Variants in C5 observed in about 807,000 individuals in gnomAD.
The protein encoded by C5 is C3 and PZP-like alpha-2-macroglobulin domain-containing protein 4.
In C5, 140 loss-of-function variants were observed where a neutral mutation model predicts 218.8. That is an observed-to-expected ratio of 0.64 (90% confidence interval 0.56 to 0.74). The LOEUF (loss-of-function observed/expected upper bound fraction) is 0.74. C5 is among the 30% of genes least tolerant of loss of function. The probability of loss-of-function intolerance (pLI) is 0.00; values close to 1 mark genes in which losing one functional copy is unlikely to be tolerated. For missense variants in C5, 1,700 were observed against 1,969.6 expected, an observed-to-expected ratio of 0.86 and a Z score of 2.59; for synonymous variants, 614 against 682.3, an observed-to-expected ratio of 0.90 and a Z score of 1.56.
intron 33 of C5, 129 bp from the exon 34 acceptor site, chr9:120,963,867 T>A: frequency 1.5e-6 from 1 of 683,468 alleles, no homozygotes; most frequent in East Asian, 2.8e-5. Flanking sequence ...CTACAATGTA[T>A]GGGTTAAAAT....
chr9:121,037,671 C>T (rs2047539668), intron 4 of C5, among the ~76,000 whole-genome samples: 1 of 152,102 alleles, frequency 6.6e-6, no homozygotes, highest in Non-Finnish European at 1.5e-5. Flanking sequence ...AGCTCAAAAT[C>T]CTTCAAGTTA....
intron 36 of C5, among the ~76,000 whole-genome samples, chr9:120,962,386 A>G (rs1024565673): frequency 6.6e-6 from 1 of 152,220 alleles, no homozygotes; most frequent in African/African-American, 2.4e-5. Context: ...AACACCATAG[A>G]TAAACCTGAG....
Position 121,020,131 on chromosome 9 carries a change from C to T in C5, c.1351G>A (p.Gly451Ser). 2 of 1,614,022 alleles carry T rather than the reference C, an allele frequency of 1.2e-6. No homozygotes were observed. The highest frequency in any genetic ancestry group is 1.3e-5 in the African/African-American group (1 of 75,034). The change falls in exon 12 of 41, where the codon GGT becomes AGT. Residue 451 changes from glycine to serine, a missense_variant. Physicochemically the swap from Gly to Ser is moderately conservative, Grantham distance 56. Coordinates refer to ENST00000223642, the MANE Select transcript of C5 (RefSeq NM_001735.3). The part of the protein sequence containing the change: ...DLPEENQARE[G>S]YRAIAYSSLS... ...GATGAGTATGCTATTGCTCGGTAAC[C>T]TTCCCTGGCCTGATTTTCTTCTGGA...
At chr9:120,970,953 C>T (rs1260589045) in intron 31 of C5, among the ~76,000 whole-genome samples, 1 of 152,140 alleles carries the variant, frequency 6.6e-6, no homozygotes, top group Admixed American at 6.5e-5. Flanking sequence ...GGACGGATCA[C>T]TTGAGGTCAG....
intron 20 of C5, among the ~76,000 whole-genome samples, chr9:121,004,202 A>G (rs1489722117): frequency 6.6e-6 from 1 of 152,082 alleles, no homozygotes; most frequent in African/African-American, 2.4e-5. Flanking sequence ...TTTTATTTCT[A>G]TATTTAATAA....
chr9:121,003,208 T>C (rs903961269), intron 20 of C5, among the ~76,000 whole-genome samples: 1 of 152,010 alleles, frequency 6.6e-6, no homozygotes, highest in Non-Finnish European at 1.5e-5. Context: ...GGAGAATCAC[T>C]TGAACTTGGG....
At chr9:120,982,022 G>C in intron 26 of C5, 83 bp from the exon 27 acceptor site, 1 of 946,676 alleles carries the variant, frequency 1.1e-6, no homozygotes, top group South Asian at 1.3e-5. Context: ...TTTTTTGTTT[G>C]TTTGTTTGAG....
the C5 span, among the ~76,000 whole-genome samples, chr9:121,071,946 A>AT: frequency 6.6e-6 from 1 of 152,338 alleles, no homozygotes; most frequent in Admixed American, 6.5e-5. Context: ...ATTCTTCATA[A>AT]TATCAGATAA....
upstream of C5, among the ~76,000 whole-genome samples, chr9:121,054,899 G>A (rs777495379): frequency 4.6e-5 from 7 of 151,736 alleles, no homozygotes; most frequent in Non-Finnish European, 8.8e-5. Context: ...AGAGACAGAC[G>A]TTTGCCATTG....
the C5 span, among the ~76,000 whole-genome samples, chr9:121,073,072 C>T: frequency 1.3e-5 from 2 of 152,070 alleles, no homozygotes; most frequent in Non-Finnish European, 2.9e-5. Context: ...GTTGGACGTC[C>T]CCTGAATTTC....
Position 120,953,856 on chromosome 9 carries a change from G to C in C5, c.4775C>G (p.Ala1592Gly), listed in dbSNP as rs2046765601. ...LDIYKTGEAV[A>G]EKDSEITFIK... ...GAAGGTAATCTCAGAGTCTTTCTCA[G>C]CAACAGCTTCCCCTGAGAGACATGC... The change falls in exon 40 of 41, where the codon GCT (alanine) becomes GGT (glycine). Residue 1592 changes from alanine to glycine, a missense_variant. Physicochemically the swap from Ala to Gly is moderately conservative, Grantham distance 60 (BLOSUM62 0). Coordinates refer to ENST00000223642, the MANE Select transcript of C5 (RefSeq NM_001735.3). 1 of 1,613,922 alleles carries C rather than the reference G, an allele frequency of 6.2e-7. No homozygotes were observed. Among genetic ancestry groups the C allele is most frequent in the Non-Finnish European group, 8.5e-7 (1 of 1,179,912 alleles).
At chr9:121,052,898 G>A (rs1404586479), upstream of C5, among the ~76,000 whole-genome samples, 1 of 152,072 alleles carries the variant, frequency 6.6e-6, no homozygotes, top group African/African-American at 2.4e-5. Flanking sequence ...TCTTTTTTAT[G>A]TATAATAAAA....
chr9:121,046,107 G>A (rs1041780879), intron 2 of C5, 84 bp downstream of exon 2: 17 of 672,094 alleles, frequency 2.5e-5, no homozygotes, highest in Non-Finnish European at 3.7e-5. Flanking sequence ...AAATCTATAT[G>A]TTATCAATAT....
Position 120,961,498 on chromosome 9 carries a change from C to T in C5, c.4572G>A (p.Ala1524=), listed in dbSNP as rs1027829831. The T allele has an allele frequency of 5.4e-5, 87 of 1,610,586 alleles. No individual in the cohort carries two copies. The highest frequency in any genetic ancestry group is 7.0e-5 in the Non-Finnish European group (82 of 1,176,914). Residue 1524 remains alanine (A), a synonymous_variant, in exon 37 of 41, where the codon GCG becomes GCA. Coordinates refer to ENST00000223642, the MANE Select transcript of C5 (RefSeq NM_001735.3). The part of the protein sequence containing the change: ...IKIQKVCEGA[A]CKCVEADCGQ... ...AAAGTTTACCTTCTACACACTTGCA[C>T]GCGGCTCCTTCACAGACTTTCTGAA...
At position 121,013,868 on chromosome 9, in the gene C5, C is replaced by T; in HGVS notation, c.2257+5G>A. 1 of 1,612,890 alleles carries T rather than the reference C, an allele frequency of 6.2e-7. No individual in the cohort carries two copies. The highest frequency in any genetic ancestry group is 8.5e-7 in the Non-Finnish European group (1 of 1,178,980). On this transcript the variant is annotated splice_donor_5th_base_variant and intron_variant, in intron 17 of 40. Coordinates refer to ENST00000223642, the MANE Select transcript of C5 (RefSeq NM_001735.3). The stretch of plus-strand genomic sequence containing the variant: ...CAGAATTCTGATAGAAAATGTCATA[C>T]TTACGTAGCCTTCCCAATTGCATGT...
intron 39 of C5, 111 bp downstream of exon 39, chr9:120,957,174 A>C: frequency 1.0e-5 from 8 of 772,896 alleles, no homozygotes; most frequent in African/African-American, 1.7e-5. Context: ...TAAAAAGGCA[A>C]GAGCTCTGTC....
rs945215271 is a variant in C5 at position 120,952,377 on chromosome 9, T to C, written c.*362A>G. 3 of 296,542 alleles carry C rather than the reference T, an allele frequency of 1.0e-5. No homozygotes were observed. Among genetic ancestry groups the C allele is most frequent in the African/African-American group, 6.6e-5 (3 of 45,598 alleles). 18.4% of individuals were successfully genotyped at this position (296,542 alleles called of 1,614,324 possible). A position where few individuals can be genotyped will look rare whatever the true frequency, so the allele number is the denominator to read the frequency against. On this transcript the variant is annotated 3_prime_UTR_variant, in exon 41 of 41. Coordinates refer to ENST00000223642, the MANE Select transcript of C5 (RefSeq NM_001735.3). ...GCTTTAATGATCAGTTTCCTGTTCCTTGGTATTTTCTTTCAAGCAAAGGCC... is the reference window on the plus strand; with the variant it reads ...GCTTTAATGATCAGTTTCCTGTTCCCTGGTATTTTCTTTCAAGCAAAGGCC...
chr9:120,981,997 C>T (rs1280103829), intron 26 of C5, 58 bp from the exon 27 acceptor site: 1 of 1,102,418 alleles, frequency 9.1e-7, no homozygotes, highest in Non-Finnish European at 1.4e-6. Context: ...GGCGAAATGA[C>T]CTGATTCTAC....
the C5 span, among the ~76,000 whole-genome samples, chr9:121,072,521 T>C: frequency 6.6e-6 from 1 of 152,082 alleles, no homozygotes. Flanking sequence ...ATGAATGTAA[T>C]CTCGGCAGGG....
Sources: allele counts gnomAD v4.1 joint callset (sites outside exome capture counted in the v4.1 genomes callset), GRCh38; gene constraint gnomAD v4.1.1; transcripts MANE v1.5; gene names NCBI Gene and HGNC (gene_info 2026-07-23, HGNC 2026-07-21).